Variants in SMIM8 observed in about 807,000 individuals in gnomAD.
SMIM8 encodes the protein UPF0708 protein C6orf162.
In SMIM8, 8 loss-of-function variants were observed where a neutral mutation model predicts 8.1. The ratio of observed to expected loss-of-function variants is 0.99; its 90% CI spans 0.58 to 1.78. SMIM8 has a LOEUF of 1.78. SMIM8 is among the 40% of genes most tolerant of loss of function. The pLI is 0.00. For synonymous variants in SMIM8, 45 were observed against 39.7 expected, an observed-to-expected ratio of 1.13 and a Z score of -0.50; for missense variants, 126 against 119.8, an observed-to-expected ratio of 1.05 and a Z score of -0.24.
At position 87,341,272 on chromosome 6, in the gene SMIM8, T is replaced by C. The variant is rs1174713295; in HGVS notation, c.*998T>C. On this transcript the variant is annotated 3_prime_UTR_variant, in exon 4 of 4. Transcript: ENST00000392863. Reference sequence around the variant, plus strand: ...CATCAGCATTTTGAAGTGTCTTTTATGGAAGTGGGGACAGAAATGGGGGTA... The same window carrying C: ...CATCAGCATTTTGAAGTGTCTTTTACGGAAGTGGGGACAGAAATGGGGGTA... The C allele has an allele frequency of 7.5e-6, 3 of 398,462 alleles. No homozygotes were observed. The highest frequency in any genetic ancestry group is 6.2e-5 in the African/African-American group (3 of 48,640). 24.7% of individuals were successfully genotyped at this position (398,462 alleles called of 1,614,324 possible).
intron 1 of SMIM8, among the ~76,000 whole-genome samples, chr6:87,324,374 G>A (rs1776763519): frequency 6.6e-6 from 1 of 151,972 alleles, no homozygotes; most frequent in African/African-American, 2.4e-5. Context: ...TAATGCTTAG[G>A]TTTTCTTCTA....
rs776014796 is a variant in SMIM8 at position 87,337,009 on chromosome 6, A to G, written c.-23A>G. The G allele has an allele frequency of 2.6e-6, 4 of 1,565,832 alleles. No individual in the cohort carries two copies. In the African/African-American group the frequency reaches 5.5e-5, roughly 22 times the overall value. On this transcript the variant is annotated splice_region_variant and 5_prime_UTR_variant, in exon 3 of 4. Coordinates refer to ENST00000392863, the MANE Select transcript of SMIM8 (RefSeq NM_001042493.3). ...AAAAAATATATTATTTTGTTTTTAG[A>G]TAATAAATCATCATTGATCAAGATG...
chr6:87,329,623 C>G (rs745983248), intron 1 of SMIM8, among the ~76,000 whole-genome samples: 2 of 152,160 alleles, frequency 1.3e-5, no homozygotes, highest in Non-Finnish European at 2.9e-5. Context: ...TATGTTTTAC[C>G]TTAAAAACAA....
intron 1 of SMIM8, among the ~76,000 whole-genome samples, chr6:87,323,553 C>T (rs1321003317): frequency 6.6e-6 from 1 of 151,458 alleles, no homozygotes; most frequent in African/African-American, 2.4e-5. Context: ...CGATAGTTTA[C>T]TGAGAATGAT....
chr6:87,337,294 AAGC>A (rs1777135416), intron 3 of SMIM8, 128 bp downstream of exon 3: 2 of 985,806 alleles, frequency 2.0e-6, no homozygotes, highest in East Asian at 5.2e-5. Context: ...CTGTGAATAA[AAGC>A]AGGTGGAAGG....
intron 1 of SMIM8, among the ~76,000 whole-genome samples, chr6:87,328,604 C>G (rs1776902841): frequency 6.6e-6 from 1 of 152,302 alleles, no homozygotes; most frequent in African/African-American, 2.4e-5. Flanking sequence ...AGGCAGTCTG[C>G]CTGTTCTCAG....
intron 2 of SMIM8, among the ~76,000 whole-genome samples, chr6:87,335,553 G>T (rs565466818): frequency 6.6e-6 from 1 of 152,230 alleles, no homozygotes; most frequent in South Asian, 2.1e-4. Context: ...CTCTTGAGGT[G>T]CATACCCAAT....
chr6:87,324,748 T>C (rs944265800), intron 1 of SMIM8, among the ~76,000 whole-genome samples: 12 of 152,174 alleles, frequency 7.9e-5, no homozygotes, highest in African/African-American at 2.9e-4. Flanking sequence ...GACTTGGCGA[T>C]GTGGGCTCTT....
At chr6:87,334,145 C>T (rs943581897) in intron 2 of SMIM8, among the ~76,000 whole-genome samples, 3 of 152,222 alleles carry the variant, frequency 2.0e-5, no homozygotes, top group Admixed American at 2.0e-4. Context: ...CCAAGCCATT[C>T]ATGAGGGATC....
intron 2 of SMIM8, among the ~76,000 whole-genome samples, chr6:87,332,264 T>A (rs997813895): frequency 6.6e-6 from 1 of 150,708 alleles, no homozygotes; most frequent in Non-Finnish European, 1.5e-5. Flanking sequence ...ATACTGACAT[T>A]TTTGTTAGTT....
chr6:87,328,901 C>A (rs1001976090), intron 1 of SMIM8, among the ~76,000 whole-genome samples: 1 of 152,160 alleles, frequency 6.6e-6, no homozygotes, highest in African/African-American at 2.4e-5. Context: ...AGCAATCAGC[C>A]AGACTCCGTG....
chr6:87,337,041 G>A lies in SMIM8; in HGVS notation c.10G>A (p.Ala4Thr). 2 of 1,609,836 alleles carry A rather than the reference G, an allele frequency of 1.2e-6. No homozygotes were observed. Among genetic ancestry groups the A allele is most frequent in the Non-Finnish European group, 1.7e-6 (2 of 1,178,084 alleles). MSSAPEPPTFKKEP... is the reference protein window; with the variant it reads MSSTPEPPTFKKEP... ...ATCATCATTGATCAAGATGTCTTCA[G>A]CACCTGAGCCTCCAACATTCAAAAA... Residue 4 changes from alanine to threonine, a missense_variant, in exon 3 of 4, where the codon GCA becomes ACA. Physicochemically the swap from Ala to Thr is moderately conservative, Grantham distance 58. Coordinates refer to ENST00000392863, the MANE Select transcript of SMIM8 (RefSeq NM_001042493.3).
At chr6:87,339,116 C>T (rs59597706) in intron 3 of SMIM8, among the ~76,000 whole-genome samples, 10,379 of 151,958 alleles carry the variant, frequency 0.068, 729 homozygotes, top group African/African-American at 0.18. Flanking sequence ...ACCAGCTGGC[C>T]AACATGGTGA....
At chr6:87,328,178 A>G (rs986356803) in intron 1 of SMIM8, among the ~76,000 whole-genome samples, 6 of 152,170 alleles carry the variant, frequency 3.9e-5, no homozygotes, top group African/African-American at 1.4e-4. Flanking sequence ...CAAAGTTTTC[A>G]ACTTCTTTGC....
At chr6:87,326,192 T>C (rs1238427680) in intron 1 of SMIM8, among the ~76,000 whole-genome samples, 1 of 152,248 alleles carries the variant, frequency 6.6e-6, no homozygotes, top group East Asian at 1.9e-4. Flanking sequence ...GGTCTATCAA[T>C]TTTGTTGATC....
chr6:87,327,949 T>C (rs56347843), intron 1 of SMIM8, among the ~76,000 whole-genome samples: 72,062 of 145,280 alleles, frequency 0.5, 17,911 homozygotes, highest in African/African-American at 0.55. Flanking sequence ...AGGCTTTGCT[T>C]GTTTCTTTTT....
At position 87,341,582 on chromosome 6, in the gene SMIM8, C is replaced by G. The variant is rs1308685122; in HGVS notation, c.*1308C>G. ...TTGCTTCAGTCGCTATTAATATTAC[C>G]AAGTAATAATAACAGCACAGGCAGA... On this transcript the variant is annotated 3_prime_UTR_variant, in exon 4 of 4. Coordinates refer to ENST00000392863, the MANE Select transcript of SMIM8 (RefSeq NM_001042493.3). 2 of 320,586 alleles carry G rather than the reference C, an allele frequency of 6.2e-6. No individual in the cohort carries two copies. Among genetic ancestry groups the G allele is most frequent in the East Asian group, 1.0e-4 (2 of 19,990 alleles). 19.9% of individuals were successfully genotyped at this position (320,586 alleles called of 1,614,324 possible).
chr6:87,323,274 A>G (rs1304363250), intron 1 of SMIM8, among the ~76,000 whole-genome samples: 1 of 151,690 alleles, frequency 6.6e-6, no homozygotes, highest in Non-Finnish European at 1.5e-5. Flanking sequence ...TGTTTTGTTT[A>G]TTTATTTATT....
chr6:87,329,846 G>T (rs1389136912), intron 1 of SMIM8, among the ~76,000 whole-genome samples: 1 of 152,110 alleles, frequency 6.6e-6, no homozygotes, highest in African/African-American at 2.4e-5. Context: ...GGTTTAGAAG[G>T]GGGAGTTAGA....
Sources: gnomAD v4.1 joint callset for allele counts (sites outside exome capture counted in the v4.1 genomes callset) on GRCh38, gnomAD v4.1.1 for gene constraint, MANE v1.5 for transcripts, NCBI Gene and HGNC (gene_info 2026-07-23, HGNC 2026-07-21) for gene names.